PRDM16: variants seen among roughly 807,000 people sequenced by gnomAD.
PRDM16 encodes the protein histone-lysine N-methyltransferase PRDM16.
PRDM16 carries 23 observed loss-of-function variants against 110.6 expected under a neutral mutation model. The ratio of observed to expected loss-of-function variants is 0.21; its 90% CI spans 0.15 to 0.29. The LOEUF is 0.29. PRDM16 is among the 10% of genes least tolerant of loss of function. The pLI is 1.00. For missense variants in PRDM16, 1,615 were observed against 1,794.3 expected, an observed-to-expected ratio of 0.90 and a Z score of 1.81; for synonymous variants, 799 against 781.8, an observed-to-expected ratio of 1.02 and a Z score of -0.37.
Position 3,396,565 on chromosome 1 carries a change from C to G in PRDM16, c.648C>G (p.Pro216=), listed in dbSNP as rs1266891555. ...LLVHVKEGVY[P]LGTVPPGLDE... is the part of the protein sequence containing the mutation. ...TGCACGTGAAGGAAGGCGTCTACCC[C>G]CTGGGCACAGTGCCGCCCGGCCTGG... The change falls in exon 5 of 17, where the codon CCC becomes CCG. Residue 216 remains proline, a synonymous_variant. Transcript: ENST00000270722. 1.9e-6 allele frequency: 3 copies of G among 1,602,372 alleles called. No homozygotes were observed. Among genetic ancestry groups the G allele is most frequent in the Admixed American group, 1.7e-5 (1 of 58,886 alleles).
Position 3,359,659 on chromosome 1 carries a change from T to G in PRDM16, c.439-25493T>G, listed in dbSNP as rs548370137. ...AGCCCCATCTCTCTGGGCCTTGTCT[T>G]AAAGGGTCTTTAGAAAATTTTTGGC... On this transcript the variant is annotated intron_variant, in intron 3 of 16. Coordinates refer to ENST00000270722, the MANE Select transcript of PRDM16 (RefSeq NM_022114.4). This position sits in a 1 kb window ranked among gnomAD's most constrained non-coding sequence, Gnocchi z 4.3. Among the ~76,000 whole-genome samples, 1 of 152,284 alleles carries G rather than the reference T, an allele frequency of 6.6e-6. No individual in the cohort carries two copies. The highest frequency in any genetic ancestry group is 1.5e-5 in the Non-Finnish European group (1 of 68,026).
chr1:3,403,495 G>C (rs1643509164), intron 6 of PRDM16, among the ~76,000 whole-genome samples: 1 of 152,238 alleles, frequency 6.6e-6, no homozygotes, highest in Non-Finnish European at 1.5e-5. Context: ...TGGTAGGCAA[G>C]AGCCAGAAGG....
At chr1:3,428,408 G>T (rs1282872931) in intron 14 of PRDM16, among the ~76,000 whole-genome samples, 1 of 152,190 alleles carries the variant, frequency 6.6e-6, no homozygotes, top group African/African-American at 2.4e-5. Context: ...GGCCCACAGT[G>T]CCCTGCTTCT....
intron 1 of PRDM16, among the ~76,000 whole-genome samples, chr1:3,091,452 C>A (rs1383256199): frequency 6.6e-6 from 1 of 152,222 alleles, no homozygotes; most frequent in Non-Finnish European, 1.5e-5. Flanking sequence ...CAGCAGGACT[C>A]AGATCCAGGG....
chr1:3,262,490 C>T (rs1007452568), intron 3 of PRDM16, among the ~76,000 whole-genome samples: 4 of 152,224 alleles, frequency 2.6e-5, no homozygotes, highest in African/African-American at 9.7e-5. Context: ...ACAGTGTCAC[C>T]CTTGGCGGGA....
At chr1:3,189,884 G>A (rs1398995072) in intron 2 of PRDM16, among the ~76,000 whole-genome samples, 1 of 152,222 alleles carries the variant, frequency 6.6e-6, no homozygotes, top group African/African-American at 2.4e-5. Context: ...TATTCTTACT[G>A]TCATTTTGGG....
chr1:3,095,007 C>T (rs559049425), intron 1 of PRDM16, among the ~76,000 whole-genome samples: 1 of 152,348 alleles, frequency 6.6e-6, no homozygotes, highest in Non-Finnish European at 1.5e-5. Flanking sequence ...ATGAAGCCAG[C>T]AGGAGGGGAC....
At chr1:3,280,878 T>G (rs866581523) in intron 3 of PRDM16, among the ~76,000 whole-genome samples, 1 of 152,160 alleles carries the variant, frequency 6.6e-6, no homozygotes, top group Non-Finnish European at 1.5e-5. Context: ...GCAGGGAAAT[T>G]TGGTCAGAAA....
chr1:3,072,854 G>A (rs1051909456), intron 1 of PRDM16, among the ~76,000 whole-genome samples: 6 of 152,258 alleles, frequency 3.9e-5, no homozygotes, highest in Admixed American at 6.5e-5. Flanking sequence ...GGTGCCCCAC[G>A]GCAGTGGACT....
chr1:3,345,725 CCCGTGCTGCCCCCTCTGTGGT>C (rs1642348159), intron 3 of PRDM16, among the ~76,000 whole-genome samples: 1 of 151,266 alleles, frequency 6.6e-6, no homozygotes, highest in Non-Finnish European at 1.5e-5. Context: ...CTCGGGTCCT[CCCGTGCTGCCCCCTCTGTGGT>C]CCAGGCCACC....
intron 1 of PRDM16, among the ~76,000 whole-genome samples, chr1:3,082,553 G>A (rs1642054336): frequency 1.3e-5 from 2 of 152,262 alleles, no homozygotes; most frequent in South Asian, 4.1e-4. Context: ...AGTCAGAGCT[G>A]AGGCTGGGGG....
At chr1:3,184,402 G>A (rs1644244547) in intron 1 of PRDM16, among the ~76,000 whole-genome samples, 1 of 152,184 alleles carries the variant, frequency 6.6e-6, no homozygotes, top group South Asian at 2.1e-4. Flanking sequence ...CGGGGCGGGG[G>A]CCGGGAGGCG....
chr1:3,216,689 C>T (rs1053274138), intron 2 of PRDM16, among the ~76,000 whole-genome samples: 3 of 152,238 alleles, frequency 2.0e-5, no homozygotes, highest in African/African-American at 4.8e-5. Context: ...CCACACTGTC[C>T]GGAGGCTGTG....
intron 3 of PRDM16, among the ~76,000 whole-genome samples, chr1:3,341,176 TGAGCAAGCTCCAGAGTGCAAAGCTCTC>T (rs1183002618): frequency 6.6e-6 from 1 of 150,516 alleles, no homozygotes; most frequent in African/African-American, 2.4e-5. Context: ...GTAGCAGAGC[TGAGCAAGCTCCAGAGTGCAAAGCTCTC>T]GAGAAGTGAC....
chr1:3,219,793 G>C (rs1221782340), intron 2 of PRDM16, among the ~76,000 whole-genome samples: 2 of 152,098 alleles, frequency 1.3e-5, no homozygotes, highest in East Asian at 1.9e-4. Context: ...CACCGACTTC[G>C]GGAGAAACCC....
chr1:3,402,693 G>A, intron 5 of PRDM16, 98 bp from the exon 6 acceptor site: 1 of 1,068,644 alleles, frequency 9.4e-7, no homozygotes, highest in Non-Finnish European at 1.4e-6. Flanking sequence ...TGCAGGCCCT[G>A]AGGCACCGTG....
At chr1:3,141,635 C>T (rs949471546) in intron 1 of PRDM16, among the ~76,000 whole-genome samples, 1 of 152,228 alleles carries the variant, frequency 6.6e-6, no homozygotes, top group Non-Finnish European at 1.5e-5. Flanking sequence ...CGGGCCACAA[C>T]GTGGTGGCAT....
intron 2 of PRDM16, among the ~76,000 whole-genome samples, chr1:3,205,796 C>A (rs1446012971): frequency 6.6e-6 from 1 of 151,994 alleles, no homozygotes; most frequent in South Asian, 2.1e-4. Flanking sequence ...TCGGTAATTG[C>A]CCCAGGGGCA....
Position 3,339,908 on chromosome 1 carries a change from G to T in PRDM16, c.439-45244G>T, listed in dbSNP as rs1207176605. ...GAAGATGCGGTTCTGTGCAGCAGCT[G>T]AGGTTGGAAGGGCCACCAGGCAAGT... On this transcript the variant is annotated intron_variant, in intron 3 of 16. Transcript: ENST00000270722. This position sits in a 1 kb window ranked among gnomAD's most constrained non-coding sequence, Gnocchi z 5.0. Among the ~76,000 whole-genome samples, 1 of 152,230 alleles carries T rather than the reference G, an allele frequency of 6.6e-6. No individual in the cohort carries two copies. The highest frequency in any genetic ancestry group is 2.4e-5 in the African/African-American group (1 of 41,460).
Sources: gnomAD v4.1 joint callset for allele counts (sites outside exome capture counted in the v4.1 genomes callset) on GRCh38, gnomAD v4.1.1 for gene constraint, Gnocchi (gnomAD v3.1) non-coding constraint, MANE v1.5 for transcripts, NCBI Gene and HGNC (gene_info 2026-07-23, HGNC 2026-07-21) for gene names.